Variants in GREM2 observed in about 807,000 individuals in gnomAD.
GREM2 encodes the protein gremlin-2.
GREM2 carries 11 observed loss-of-function variants against 14.2 expected under a neutral mutation model. The ratio of observed to expected loss-of-function variants is 0.78; its 90% confidence interval spans 0.49 to 1.28. GREM2 has a LOEUF of 1.28. Ranked by LOEUF, GREM2 falls within the 50% of genes most tolerant of loss-of-function variation. The probability of loss-of-function intolerance (pLI) is 0.00; values close to 1 mark genes in which losing one functional copy is unlikely to be tolerated. For synonymous variants in GREM2, 98 were observed against 97.6 expected, an observed-to-expected ratio of 1.00 and a Z score of -0.02; for missense variants, 210 against 218.5, an observed-to-expected ratio of 0.96 and a Z score of 0.24.
At chr1:240,536,022 G>T (rs938383125) in intron 1 of GREM2, among the ~76,000 whole-genome samples, 1 of 152,018 alleles carries the variant, frequency 6.6e-6, no homozygotes, top group South Asian at 2.1e-4. Context: ...CTGCAAGCAG[G>T]TTTCACTGGA....
At chr1:240,604,827 A>G (rs888222123) in intron 1 of GREM2, among the ~76,000 whole-genome samples, 23 of 152,180 alleles carry the variant, frequency 1.5e-4, no homozygotes, top group Non-Finnish European at 4.4e-5. Flanking sequence ...CTCTTCAAAG[A>G]CTTTCCTCCC....
chr1:240,521,454 C>A (rs930791016), intron 1 of GREM2, among the ~76,000 whole-genome samples: 7 of 151,516 alleles, frequency 4.6e-5, no homozygotes, highest in African/African-American at 1.7e-4. Flanking sequence ...GACTGTAGTC[C>A]CAGCTACTCG....
intron 1 of GREM2, among the ~76,000 whole-genome samples, chr1:240,591,879 T>C (rs1679722686): frequency 6.6e-6 from 1 of 152,174 alleles, no homozygotes; most frequent in African/African-American, 2.4e-5. Context: ...ATGATGCTTT[T>C]GATAGAAAAT....
rs899719956 is a variant in GREM2, at chr1:240,492,210, G to A, written c.*759C>T. ...TGTGTGTGATAATATTCTAATTGCA[G>A]CAATAATAGCATGCACACCAGAGTT... On this transcript the variant is annotated 3_prime_UTR_variant, in exon 2 of 2. Coordinates refer to ENST00000318160, the MANE Select transcript of GREM2 (RefSeq NM_022469.4). 5 of 452,946 alleles carry A rather than the reference G, an allele frequency of 1.1e-5. No homozygotes were observed. Among genetic ancestry groups the A allele is most frequent in the Admixed American group, 7.1e-5 (3 of 42,402 alleles). The allele number at this position is 452,946 out of a possible 1,614,324, so 28.1% of individuals were successfully genotyped here.
intron 1 of GREM2, among the ~76,000 whole-genome samples, chr1:240,569,432 C>A (rs1266953387): frequency 6.6e-6 from 1 of 152,104 alleles, no homozygotes; most frequent in Admixed American, 6.6e-5. Context: ...ACTAACACTG[C>A]CTGATTTCAA....
chr1:240,515,009 C>A (rs1677923427), intron 1 of GREM2, among the ~76,000 whole-genome samples: 1 of 152,116 alleles, frequency 6.6e-6, no homozygotes, highest in Non-Finnish European at 1.5e-5. Context: ...AACGGGAACA[C>A]TTTCAGTGGA....
intron 1 of GREM2, among the ~76,000 whole-genome samples, chr1:240,512,628 A>G (rs1439548813): frequency 7.0e-6 from 1 of 143,690 alleles, no homozygotes; most frequent in African/African-American, 2.6e-5. Flanking sequence ...TCCCTGACGC[A>G]TTGATTTAAA....
intron 1 of GREM2, among the ~76,000 whole-genome samples, chr1:240,604,738 G>A (rs946217074): frequency 1.7e-4 from 26 of 152,178 alleles, no homozygotes; most frequent in Non-Finnish European, 2.9e-4. Flanking sequence ...CAGGAGGCTC[G>A]CTTGAGCCCC....
chr1:240,532,646 TAGA>T (rs1678389374), intron 1 of GREM2, among the ~76,000 whole-genome samples: 4 of 39,294 alleles, frequency 1.0e-4, no homozygotes, highest in Non-Finnish European at 2.2e-4. Context: ...TATATATAGA[TAGA>T]TAGATAGATA....
chr1:240,557,151 C>G (rs191100407), intron 1 of GREM2, among the ~76,000 whole-genome samples: 2 of 150,216 alleles, frequency 1.3e-5, no homozygotes, highest in Non-Finnish European at 3.0e-5. Flanking sequence ...GCCTGGGTGA[C>G]AGTAAGACTC....
intron 1 of GREM2, among the ~76,000 whole-genome samples, chr1:240,609,290 CTGGCCACTTAAAGACATCT>C (rs983766868): frequency 2.0e-5 from 3 of 152,050 alleles, no homozygotes; most frequent in African/African-American, 7.2e-5. Flanking sequence ...CATCAATGTG[CTGGCCACTTAAAGACATCT>C]TTCCAACTGG....
rs1677308790 is a variant in GREM2, at chr1:240,493,248, C to T, written c.228G>A (p.Gln76=). ...CCTCGCTCACCGTCTGCCGCAGCGG[C>T]TGCGTCTTGCACCAGTCACTCTTGA... ...KYLKSDWCKT[Q]PLRQTVSEEG... The change falls in exon 2 of 2, where the codon CAG becomes CAA. Residue 76 remains glutamine, a synonymous_variant. Transcript: ENST00000318160. The T allele has an allele frequency of 1.2e-6, 2 of 1,613,992 alleles. No homozygotes were observed. Among genetic ancestry groups the T allele is most frequent in the Admixed American group, 3.3e-5 (2 of 60,012 alleles).
intron 1 of GREM2, among the ~76,000 whole-genome samples, chr1:240,604,666 C>T (rs909039465): frequency 6.6e-6 from 1 of 152,078 alleles, no homozygotes; most frequent in Non-Finnish European, 1.5e-5. Context: ...TCTTATAGAA[C>T]ACCAAAGTAG....
chr1:240,498,424 G>C (rs1295202620), intron 1 of GREM2, among the ~76,000 whole-genome samples: 2 of 152,186 alleles, frequency 1.3e-5, no homozygotes, highest in Admixed American at 6.5e-5. Context: ...TGTCAGACAG[G>C]TAAGTAGGCA....
At chr1:240,597,792 A>G (rs1679849978) in intron 1 of GREM2, among the ~76,000 whole-genome samples, 1 of 152,174 alleles carries the variant, frequency 6.6e-6, no homozygotes, top group Admixed American at 6.6e-5. Context: ...TTTTAAATTA[A>G]CAGAGCCTTA....
intron 1 of GREM2, among the ~76,000 whole-genome samples, chr1:240,501,014 G>A (rs1677559346): frequency 1.3e-5 from 2 of 152,202 alleles, no homozygotes; most frequent in Admixed American, 1.3e-4. Context: ...CTAATTCTTG[G>A]TGTTACCAGA....
At chr1:240,578,681 G>T (rs1679419620) in intron 1 of GREM2, among the ~76,000 whole-genome samples, 3 of 152,064 alleles carry the variant, frequency 2.0e-5, no homozygotes, top group East Asian at 3.9e-4. Context: ...CTACTCGGGA[G>T]GCTGAAGCAG....
intron 1 of GREM2, among the ~76,000 whole-genome samples, chr1:240,575,529 AT>A (rs952013354): frequency 2.1e-5 from 2 of 97,384 alleles, no homozygotes; most frequent in Admixed American, 2.2e-4. Flanking sequence ...TTTTAATTTT[AT>A]TTTTTTTTCA....
chr1:240,495,751 T>C (rs1677398428), intron 1 of GREM2, among the ~76,000 whole-genome samples: 1 of 152,090 alleles, frequency 6.6e-6, no homozygotes, highest in African/African-American at 2.4e-5. Context: ...TACGTTAAAA[T>C]ATCTATGCTA....
Sources: gnomAD v4.1 joint callset for allele counts (sites outside exome capture counted in the v4.1 genomes callset) on GRCh38, gnomAD v4.1.1 for gene constraint, MANE v1.5 for transcripts, NCBI Gene and HGNC (gene_info 2026-07-23, HGNC 2026-07-21) for gene names.